PSTPIP2: variants seen among roughly 807,000 people sequenced by gnomAD.
PSTPIP2 encodes proline-serine-threonine phosphatase-interacting protein 2.
In PSTPIP2, 33 loss-of-function variants were observed where a neutral mutation model predicts 63.3. The observed-to-expected ratio is 0.52, with a 90% CI of 0.40 to 0.70. The LOEUF is 0.70. Ranked by LOEUF, PSTPIP2 falls within the 30% of genes least tolerant of loss-of-function variation. The pLI is 0.00. For missense variants in PSTPIP2, 312 were observed against 400.7 expected, an observed-to-expected ratio of 0.78 and a Z score of 1.89; for synonymous variants, 125 against 132.7, an observed-to-expected ratio of 0.94 and a Z score of 0.40.
At chr18:46,028,474 G>T in intron 2 of PSTPIP2, 1 of 613,390 alleles carries the variant, frequency 1.6e-6, no homozygotes, top group African/African-American at 1.9e-5. Context: ...GTGGAGTGGT[G>T]CCTGGAGGAG....
chr18:46,067,791 A>T (rs974685808), intron 1 of PSTPIP2, among the ~76,000 whole-genome samples: 2 of 152,188 alleles, frequency 1.3e-5, no homozygotes, highest in African/African-American at 2.4e-5. Flanking sequence ...GAGCTCTCTG[A>T]ACCTTTACTG....
At chr18:46,049,207 A>C (rs1908496340) in intron 1 of PSTPIP2, among the ~76,000 whole-genome samples, 1 of 152,160 alleles carries the variant, frequency 6.6e-6, no homozygotes, top group Non-Finnish European at 1.5e-5. Flanking sequence ...AACTAACACA[A>C]GAACAGATAA....
In PSTPIP2 at chr18:46,005,483, T is replaced by C. The variant is rs902153676; in HGVS notation, c.403A>G (p.Lys135Glu). ...AIHKQKSLQFKKTMDAKKNYE... is the reference protein window; with the variant it reads ...AIHKQKSLQFEKTMDAKKNYE... ...ATGTGACTCACATCCATGGTTTTCT[T>C]GAATTGTAAGCTCTTTTGTTTATGG... Residue 135 changes from lysine to glutamate, a missense_variant, in exon 6 of 15, where the codon AAG becomes GAG. Transcript: ENST00000409746. The C allele has an allele frequency of 1.2e-6, 2 of 1,601,054 alleles. No homozygotes were observed. The highest frequency in any genetic ancestry group is 2.7e-5 in the African/African-American group (2 of 74,580).
chr18:46,011,458 C>A (rs954832092), intron 4 of PSTPIP2, among the ~76,000 whole-genome samples, 171 bp from the exon 5 acceptor site: 1 of 152,172 alleles, frequency 6.6e-6, no homozygotes, highest in African/African-American at 2.4e-5. Context: ...TCCAGCATAG[C>A]CCTGGCCACC....
intron 1 of PSTPIP2, among the ~76,000 whole-genome samples, chr18:46,062,619 G>A (rs1909031872): frequency 6.6e-6 from 1 of 152,092 alleles, no homozygotes; most frequent in Admixed American, 6.6e-5. Context: ...CTGCCTCCCA[G>A]GTTCAAGCAA....
chr18:46,019,549 C>T (rs1480324661), intron 3 of PSTPIP2, among the ~76,000 whole-genome samples: 1 of 152,120 alleles, frequency 6.6e-6, no homozygotes, highest in African/African-American at 2.4e-5. Flanking sequence ...CCCTGTAATC[C>T]CAGCACGTTG....
chr18:46,014,509 T>A (rs569562155), intron 4 of PSTPIP2, among the ~76,000 whole-genome samples: 5 of 152,090 alleles, frequency 3.3e-5, no homozygotes, highest in African/African-American at 9.7e-5. Context: ...AGCCCAGGAA[T>A]TCAAGACCAG....
At chr18:46,058,475 G>GCAAC (rs1294540659) in intron 1 of PSTPIP2, among the ~76,000 whole-genome samples, 2 of 151,940 alleles carry the variant, frequency 1.3e-5, no homozygotes, top group Non-Finnish European at 2.9e-5. Context: ...TCCTGCCTCA[G>GCAAC]GCTCCTGAGT....
At chr18:46,022,848 A>G (rs1427859828) in intron 3 of PSTPIP2, among the ~76,000 whole-genome samples, 1 of 152,208 alleles carries the variant, frequency 6.6e-6, no homozygotes, top group Non-Finnish European at 1.5e-5. Context: ...TGATGCAAGG[A>G]AGACATAGAA....
chr18:46,072,125 C>T (rs1380368038), intron 1 of PSTPIP2, 31 bp downstream of exon 1: 1 of 1,527,174 alleles, frequency 6.5e-7, no homozygotes, highest in African/African-American at 1.4e-5. Flanking sequence ...GGTCCTGAGC[C>T]CCGCGATCCG....
intron 3 of PSTPIP2, among the ~76,000 whole-genome samples, chr18:46,021,984 T>A (rs1907380257): frequency 6.6e-6 from 1 of 152,048 alleles, no homozygotes; most frequent in Admixed American, 6.6e-5. Flanking sequence ...ATTTACATTG[T>A]TAATAATTGT....
intron 3 of PSTPIP2, among the ~76,000 whole-genome samples, chr18:46,021,848 C>CAA (rs59094808): frequency 0.015 from 513 of 33,286 alleles, 60 homozygotes; most frequent in African/African-American, 0.042. Flanking sequence ...GACTCTGTCT[C>CAA]AAAAAAAAAA....
chr18:46,028,312 G>A, intron 2 of PSTPIP2: 1 of 466,906 alleles, frequency 2.1e-6, no homozygotes. Context: ...AACGAGGGCG[G>A]ACTGGAAAGC....
rs763729659 is a variant in PSTPIP2, at chr18:45,999,507, G to A, written c.445C>T (p.Arg149Trp). The A allele has an allele frequency of 5.6e-6, 9 of 1,614,036 alleles. No homozygotes were observed. Among genetic ancestry groups the A allele is most frequent in the Middle Eastern group, 1.7e-4 (1 of 6,056 alleles). The part of the protein sequence containing the change: ...DAKKNYEQKC[R>W]DKDEAEQAVS... ...GCCTGTTCTGCCTCATCTTTGTCCC[G>A]GCATTTCTGCTCATAGTTCTTCTTT... Residue 149 changes from arginine (R) to tryptophan (W), a missense_variant, in exon 7 of 15, where the codon CGG (arginine) becomes TGG (tryptophan). Transcript: ENST00000409746.
At chr18:46,009,778 G>T (rs2051775487) in intron 5 of PSTPIP2, among the ~76,000 whole-genome samples, 8 of 152,176 alleles carry the variant, frequency 5.3e-5, no homozygotes, top group Admixed American at 5.2e-4. Flanking sequence ...CCTAGACTCT[G>T]GTTGTCTAAG....
chr18:46,030,296 G>A lies in PSTPIP2; in HGVS notation c.135-5610C>T, dbSNP rs112919400. Among the ~76,000 whole-genome samples, 1,027 of 152,086 alleles carry A rather than the reference G, an allele frequency of 6.8e-3. 15 individuals are homozygous for A. Among genetic ancestry groups the A allele is most frequent in the Admixed American group, 0.03 (455 of 15,262 alleles). On this transcript the variant is annotated intron_variant, in intron 2 of 14. Coordinates refer to ENST00000409746, the MANE Select transcript of PSTPIP2 (RefSeq NM_024430.4). The stretch of plus-strand genomic sequence containing the variant: ...AATGTGTGATAATATATGGAAAATG[G>A]CTTATAGAGCCAGCTGTGCTTAAGA...
At chr18:46,007,310 C>A (rs192059557) in intron 5 of PSTPIP2, among the ~76,000 whole-genome samples, 320 of 152,288 alleles carry the variant, frequency 2.1e-3, no homozygotes, top group Non-Finnish European at 3.4e-3. Context: ...TCAAAGGAGC[C>A]CTCAGAAAAC....
At chr18:46,001,146 T>C (rs2051661539) in intron 6 of PSTPIP2, among the ~76,000 whole-genome samples, 1 of 152,246 alleles carries the variant, frequency 6.6e-6, no homozygotes, top group Admixed American at 6.5e-5. Flanking sequence ...TAAGTCTATT[T>C]GTAGTTTTTT....
intron 1 of PSTPIP2, among the ~76,000 whole-genome samples, chr18:46,043,157 G>A (rs372463999): frequency 6.0e-5 from 9 of 150,954 alleles, no homozygotes; most frequent in African/African-American, 1.5e-4. Flanking sequence ...AGGCCGAGGC[G>A]GGAGGATCGC....
Sources: gnomAD v4.1 joint callset for allele counts (sites outside exome capture counted in the v4.1 genomes callset) on GRCh38, gnomAD v4.1.1 for gene constraint, MANE v1.5 for transcripts, NCBI Gene and HGNC (gene_info 2026-07-23, HGNC 2026-07-21) for gene names.